Variants in IDH1 observed in about 807,000 individuals in gnomAD.
IDH1 encodes the protein isocitrate dehydrogenase (NADP(+)) 1.
IDH1 carries 33 observed loss-of-function variants against 46.1 expected under a neutral mutation model. That is an observed-to-expected ratio of 0.72 (90% CI 0.54 to 0.96). The LOEUF is 0.96. Among genes scored for constraint, IDH1 ranks in the 40% least tolerant of loss-of-function variants. The pLI, the probability that IDH1 is intolerant of heterozygous loss-of-function variation, is 0.00. For missense variants in IDH1, 421 were observed against 515.7 expected (o/e 0.82, Z 1.78); for synonymous variants, 144 against 172.8 (o/e 0.83, Z 1.31).
chr2:208,242,169 A>T (rs1286602294), intron 6 of IDH1, 24 bp from the exon 7 acceptor site: 1 of 1,609,300 alleles, frequency 6.2e-7, no homozygotes, highest in Admixed American at 1.7e-5. Context: ...GGTAAAAGAG[A>T]ATAATAATAA....
chr2:208,252,719 T>C (rs1490669388), intron 2 of IDH1, among the ~76,000 whole-genome samples: 1 of 152,242 alleles, frequency 6.6e-6, no homozygotes, highest in African/African-American at 2.4e-5. Flanking sequence ...ATTTGGTCTT[T>C]AAATAAAAAT....
At chr2:208,242,166 G>A (rs2124852046) in intron 6 of IDH1, 21 bp from the exon 7 acceptor site, 1 of 1,610,996 alleles carries the variant, frequency 6.2e-7, no homozygotes, top group East Asian at 2.2e-5. Flanking sequence ...AAAGGTAAAA[G>A]AGAATAATAA....
chr2:208,239,716 A>C (rs1478889624), intron 8 of IDH1, 147 bp downstream of exon 8: 1 of 782,880 alleles, frequency 1.3e-6, no homozygotes. Flanking sequence ...ATATTTTAAG[A>C]AGCATATTCA....
chr2:208,248,193 T>TTATAA, intron 4 of IDH1, 176 bp downstream of exon 4: 1 of 620,918 alleles, frequency 1.6e-6, no homozygotes, highest in East Asian at 2.7e-5. Flanking sequence ...TATTTGTATT[T>TTATAA]GCCTTTAGCT....
In IDH1 at chr2:208,239,870, A is replaced by C. The variant is rs1301027101; in HGVS notation, c.984T>G (p.Asn328Lys). ...MYQKGQETSTNPIASIFAWTR... is the reference protein window; with the variant it reads ...MYQKGQETSTKPIASIFAWTR... ...ATGTAAACACCATCTTACCAATGGG[A>C]TTGGTGGACGTCTCCTGTCCTTTCT... Residue 328 changes from asparagine (N) to lysine (K), a missense_variant, in exon 8 of 10, where the codon AAT (asparagine) becomes AAG (lysine). Physicochemically the swap from Asn to Lys is moderately conservative, Grantham distance 94. Transcript: ENST00000345146. 4 of 1,614,128 alleles carry C rather than the reference A, an allele frequency of 2.5e-6. No individual in the cohort carries two copies. Among genetic ancestry groups the C allele is most frequent in the Non-Finnish European group, 3.4e-6 (4 of 1,179,998 alleles).
At chr2:208,238,652 G>A (rs906716517) in intron 9 of IDH1, among the ~76,000 whole-genome samples, 2 of 152,164 alleles carry the variant, frequency 1.3e-5, no homozygotes, top group Non-Finnish European at 2.9e-5. Flanking sequence ...AGCCTCTGAA[G>A]TATCTTTGTT....
chr2:208,252,729 T>C (rs1232578427), intron 2 of IDH1, among the ~76,000 whole-genome samples: 1 of 152,242 alleles, frequency 6.6e-6, no homozygotes, highest in African/African-American at 2.4e-5. Context: ...TAAATAAAAA[T>C]GTAATGATTA....
intron 2 of IDH1, among the ~76,000 whole-genome samples, chr2:208,252,532 C>T (rs545436546): frequency 1.3e-5 from 2 of 152,314 alleles, no homozygotes; most frequent in East Asian, 3.9e-4. Context: ...TCTGAGCCTG[C>T]TAAAAGTTAT....
chr2:208,241,927 C>T (rs747059071), intron 7 of IDH1, 67 bp downstream of exon 7: 294 of 1,532,958 alleles, frequency 1.9e-4, no homozygotes, highest in Non-Finnish European at 2.6e-4. Flanking sequence ...TACAAAACTC[C>T]CCTTCCCAAA....
intron 6 of IDH1, among the ~76,000 whole-genome samples, chr2:208,243,016 G>C (rs1324085616): frequency 6.6e-6 from 1 of 152,024 alleles, no homozygotes; most frequent in South Asian, 2.1e-4. Flanking sequence ...CGCCCGCCTC[G>C]GCCTCCCAAA....
chr2:208,245,152 G>A (rs1269781125), intron 5 of IDH1, among the ~76,000 whole-genome samples, 167 bp downstream of exon 5: 1 of 152,102 alleles, frequency 6.6e-6, no homozygotes, highest in Non-Finnish European at 1.5e-5. Context: ...CCACAGGAAG[G>A]TATGGAAGCA....
chr2:208,246,563 G>A (rs1282706926), intron 4 of IDH1, among the ~76,000 whole-genome samples: 1 of 151,384 alleles, frequency 6.6e-6, no homozygotes, highest in South Asian at 2.1e-4. Flanking sequence ...ATCAACCTGA[G>A]GTTTGAAATT....
intron 3 of IDH1, among the ~76,000 whole-genome samples, chr2:208,250,730 GGGACACA>G (rs1011236327): frequency 6.6e-6 from 1 of 152,160 alleles, no homozygotes; most frequent in African/African-American, 2.4e-5. Flanking sequence ...ACAGGGCAAA[GGGACACA>G]GGATTTAAGG....
chr2:208,237,240 A>G lies in IDH1; in HGVS notation c.1155-71T>C, dbSNP rs1274013782. 19 of 783,896 alleles carry G rather than the reference A, an allele frequency of 2.4e-5. No individual in the cohort carries two copies. In the East Asian group the frequency reaches 4.9e-4, roughly 20 times the overall value. 48.6% of individuals were successfully genotyped at this position (783,896 alleles called of 1,614,324 possible). A position where few individuals can be genotyped will look rare whatever the true frequency, so the allele number is the denominator to read the frequency against. ...TGGTAGCAGGTAGTGGTAAAGTCCT[A>G]GAAATGCTACTTAAAATAGTATTCT... On this transcript the variant is annotated intron_variant, in intron 9 of 9. Transcript: ENST00000345146.
At chr2:208,246,082 T>A (rs1688016963) in intron 4 of IDH1, among the ~76,000 whole-genome samples, 1 of 152,192 alleles carries the variant, frequency 6.6e-6, no homozygotes, top group Non-Finnish European at 1.5e-5. Context: ...TCTCATGGTA[T>A]CATTGTTACT....
rs745329811 is a variant in IDH1, at chr2:208,243,484, G to C, written c.641C>G (p.Thr214Ser). The change falls in exon 6 of 10, where the codon ACT becomes AGT. Residue 214 changes from threonine (T) to serine (S), a missense_variant. Coordinates refer to ENST00000345146, the MANE Select transcript of IDH1 (RefSeq NM_005896.4). ...ACGCCCATCATATTTCTTCAGAATA[G>C]TGTTTTTGGTGCTCAGATACAAAGG... ...GWPLYLSTKN[T>S]ILKKYDGRFK... 7.4e-6 allele frequency: 12 copies of C among 1,613,834 alleles called. No homozygotes were observed. Among genetic ancestry groups the C allele is most frequent in the South Asian group, 2.2e-5 (2 of 91,088 alleles).
chr2:208,236,784 A>G lies in IDH1; in HGVS notation c.*295T>C, dbSNP rs369898908. ...TGAGCAATCTTGATTTTGGTCATTTATAATTAGAACATGAGAAAAAGTGAC... is the reference window on the plus strand; with the variant it reads ...TGAGCAATCTTGATTTTGGTCATTTGTAATTAGAACATGAGAAAAAGTGAC... On this transcript the variant is annotated 3_prime_UTR_variant, in exon 10 of 10. Transcript: ENST00000345146. 1.1e-3 allele frequency: 415 copies of G among 389,266 alleles called. 7 individuals carry two copies. The South Asian group carries it at 0.014, about 13-fold the overall frequency. The allele number at this position is 389,266 out of a possible 1,614,324, so 24.1% of individuals were successfully genotyped here.
intron 7 of IDH1, 176 bp from the exon 8 acceptor site, chr2:208,240,179 T>C: frequency 2.9e-6 from 2 of 685,882 alleles, no homozygotes; most frequent in East Asian, 2.8e-5. Context: ...GCTCCAGATA[T>C]CAGAGCCAAT....
intron 2 of IDH1, 28 bp from the exon 3 acceptor site, chr2:208,251,595 T>G: frequency 6.4e-7 from 1 of 1,569,060 alleles, no homozygotes; most frequent in Non-Finnish European, 8.8e-7. Context: ...ATACATGCCT[T>G]GTCATTTATT....
Sources: allele counts gnomAD v4.1 joint callset (sites outside exome capture counted in the v4.1 genomes callset), GRCh38; gene constraint gnomAD v4.1.1; transcripts MANE v1.5; gene names NCBI Gene and HGNC (gene_info 2026-07-23, HGNC 2026-07-21).